Variants in RCOR3 observed in about 807,000 individuals in gnomAD.
The protein encoded by RCOR3 is REST corepressor 3.
A neutral mutation model predicts 64.1 loss-of-function variants in RCOR3; 13 were observed. That is an observed-to-expected ratio of 0.20 (90% CI 0.13 to 0.32). The LOEUF (loss-of-function observed/expected upper bound fraction) is 0.32. Among genes scored for constraint, RCOR3 ranks in the 10% least tolerant of loss-of-function variants. The probability of loss-of-function intolerance (pLI) is 1.00; values close to 1 mark genes in which losing one functional copy is unlikely to be tolerated. For missense variants in RCOR3, 489 were observed against 701.2 expected, an observed-to-expected ratio of 0.70 and a Z score of 3.42; for synonymous variants, 215 against 239.0, an observed-to-expected ratio of 0.90 and a Z score of 0.93.
At chr1:211,279,456 C>A in intron 7 of RCOR3, 140 bp downstream of exon 7, 1 of 564,194 alleles carries the variant, frequency 1.8e-6, no homozygotes, top group East Asian at 3.2e-5. Context: ...GCAATACAGT[C>A]ATACCTAGAA....
intron 9 of RCOR3, among the ~76,000 whole-genome samples, chr1:211,301,147 G>A (rs983099982): frequency 1.3e-5 from 2 of 151,904 alleles, no homozygotes; most frequent in African/African-American, 4.8e-5. Context: ...AGTAAGATAT[G>A]ACTCCATTGT....
intron 7 of RCOR3, among the ~76,000 whole-genome samples, chr1:211,282,982 C>G (rs531521999): frequency 3.3e-5 from 5 of 152,136 alleles, no homozygotes; most frequent in African/African-American, 9.6e-5. Flanking sequence ...TTCTTCAGTA[C>G]TTGCCTTTTG....
rs1305130844 is a variant in RCOR3 at position 211,278,106 on chromosome 1, T to A, written c.517-11T>A. ...ATTAAACTTGCTGATATTAACATGATTTTTTTTAAGCTTCCAGATAAGACA... is the reference window on the plus strand; with the variant it reads ...ATTAAACTTGCTGATATTAACATGAATTTTTTTAAGCTTCCAGATAAGACA... On this transcript the variant is annotated splice_polypyrimidine_tract_variant and intron_variant, in intron 5 of 11. Coordinates refer to ENST00000419091, the MANE Select transcript of RCOR3 (RefSeq NM_001136223.3). 1 of 1,575,276 alleles carries A rather than the reference T, an allele frequency of 6.3e-7. No homozygotes were observed.
Position 211,313,308 on chromosome 1 carries a change from T to TA in RCOR3, c.1318-115dup. 1.4e-6 allele frequency: 2 copies of TA among 1,455,646 alleles called. No homozygotes were observed. The highest frequency in any genetic ancestry group is 4.9e-5 in the East Asian group (2 of 40,522). The allele number at this position is 1,455,646 out of a possible 1,614,324, so 90.2% of individuals were successfully genotyped here. On this transcript the variant is annotated intron_variant, in intron 11 of 11. Transcript: ENST00000419091. This position sits in a 1 kb window ranked among gnomAD's most constrained non-coding sequence, Gnocchi z 4.7. ...TTGTGCTTCCAATAAACACTGGTGT[T>TA]ATGTTTTTGTTTTGTTTTGATTTGT... is the stretch of plus-strand genomic sequence containing the variant.
intron 7 of RCOR3, among the ~76,000 whole-genome samples, chr1:211,284,998 G>C (rs1698332920): frequency 6.6e-6 from 1 of 152,122 alleles, no homozygotes; most frequent in Admixed American, 6.5e-5. Context: ...CATAAGTCTT[G>C]ATAGTTGCTA....
chr1:211,289,446 C>G, intron 8 of RCOR3, 50 bp downstream of exon 8: 1 of 1,433,602 alleles, frequency 7.0e-7, no homozygotes, highest in Non-Finnish European at 9.6e-7. Flanking sequence ...TTTGGCTATC[C>G]GCTTTTACCT....
chr1:211,299,493 C>T (rs565655880), intron 9 of RCOR3, among the ~76,000 whole-genome samples: 5 of 152,270 alleles, frequency 3.3e-5, no homozygotes, highest in African/African-American at 7.2e-5. Context: ...CAAAGGTAGA[C>T]GACATCCTTT....
At chr1:211,275,055 TAGAG>T (rs532606712) in intron 4 of RCOR3, among the ~76,000 whole-genome samples, 250 of 151,346 alleles carry the variant, frequency 1.7e-3, no homozygotes, top group African/African-American at 5.8e-3. Flanking sequence ...ATACTATATA[TAGAG>T]AGACAAATAT....
Position 211,312,303 on chromosome 1 carries a change from G to A in RCOR3, c.1076-417G>A. Reference sequence around the variant, plus strand: ...CTCAGTCCATTGAGGGGATAAGAGAGATGGCTCATTCCCATCCAGTTTTGT... The same window carrying A: ...CTCAGTCCATTGAGGGGATAAGAGAAATGGCTCATTCCCATCCAGTTTTGT... On this transcript the variant is annotated intron_variant, in intron 10 of 11. Transcript: ENST00000419091. The surrounding 1 kb of genome is among the most constrained non-coding windows in gnomAD (Gnocchi z 5.0). The A allele has an allele frequency of 2.2e-6, 1 of 456,854 alleles. No individual in the cohort carries two copies. The highest frequency in any genetic ancestry group is 1.5e-5 in the South Asian group (1 of 64,546). 28.3% of individuals were successfully genotyped at this position (456,854 alleles called of 1,614,324 possible). A position where few individuals can be genotyped will look rare whatever the true frequency, so the allele number is the denominator to read the frequency against.
At position 211,259,837 on chromosome 1, in the gene RCOR3, CGCTGCGGTA is replaced by C. The variant is rs1571731772; in HGVS notation, c.166+114_166+122del. 6 of 998,274 alleles carry C rather than the reference CGCTGCGGTA, an allele frequency of 6.0e-6. No homozygotes were observed. The East Asian group carries it at 2.0e-4, about 34-fold the overall frequency. 61.8% of individuals were successfully genotyped at this position (998,274 alleles called of 1,614,324 possible). On this transcript the variant is annotated intron_variant, in intron 1 of 11. Transcript: ENST00000419091. ...GCCCTCCCTCCCCTCAGAGCCTGGG[CGCTGCGGTA>C]GCCTCGAACTCCCGGTGCAGTGCAG...
chr1:211,278,844 T>G, intron 6 of RCOR3, among the ~76,000 whole-genome samples: 1 of 152,076 alleles, frequency 6.6e-6, no homozygotes, highest in South Asian at 2.1e-4. Flanking sequence ...TTTAGTAAAA[T>G]TATTTAGATA....
chr1:211,289,511 C>A, intron 8 of RCOR3, 115 bp downstream of exon 8: 2 of 789,872 alleles, frequency 2.5e-6, no homozygotes, highest in South Asian at 1.9e-5. Context: ...TCCACTTATG[C>A]AGGTTTCATT....
intron 9 of RCOR3, among the ~76,000 whole-genome samples, chr1:211,297,706 G>A (rs1699981361): frequency 6.6e-6 from 1 of 152,124 alleles, no homozygotes; most frequent in African/African-American, 2.4e-5. Context: ...TATGAAAAAT[G>A]TATATATGTT....
Position 211,313,153 on chromosome 1 carries a change from G to A in RCOR3, c.1317+192G>A, listed in dbSNP as rs2102685475. On this transcript the variant is annotated intron_variant, in intron 11 of 11. Coordinates refer to ENST00000419091, the MANE Select transcript of RCOR3 (RefSeq NM_001136223.3). The surrounding 1 kb of genome is among the most constrained non-coding windows in gnomAD (Gnocchi z 4.7). ...TGCTAAGTTCTGATTCTAGAAGAATGGAGAGTGTATTGTTCTTTCATAGTC... is the reference window on the plus strand; with the variant it reads ...TGCTAAGTTCTGATTCTAGAAGAATAGAGAGTGTATTGTTCTTTCATAGTC... 2 of 1,463,308 alleles carry A rather than the reference G, an allele frequency of 1.4e-6. No homozygotes were observed. The highest frequency in any genetic ancestry group is 1.5e-5 in the South Asian group (1 of 68,684). The allele number at this position is 1,463,308 out of a possible 1,614,324, so 90.6% of individuals were successfully genotyped here.
rs761180837 is a variant in RCOR3, at chr1:211,259,560, C to T, written c.-1C>T. On this transcript the variant is annotated 5_prime_UTR_variant, in exon 1 of 12. Coordinates refer to ENST00000419091, the MANE Select transcript of RCOR3 (RefSeq NM_001136223.3). The stretch of plus-strand genomic sequence containing the variant: ...CACCTTTCCCCCTCCCCTGTTCTAC[C>T]ATGCCCGGCATGATGGAGAAAGGGC... The T allele has an allele frequency of 9.0e-5, 139 of 1,547,936 alleles. No homozygotes were observed. Among genetic ancestry groups the T allele is most frequent in the South Asian group, 3.8e-4 (32 of 84,014 alleles).
At chr1:211,308,667 T>TTG (rs1355796525) in intron 10 of RCOR3, among the ~76,000 whole-genome samples, 9 of 25,452 alleles carry the variant, frequency 3.5e-4, no homozygotes, top group African/African-American at 7.3e-4. Flanking sequence ...ATGTGTTTTT[T>TTG]TTTTTGTTTT....
intron 9 of RCOR3, chr1:211,303,869 C>A: frequency 2.6e-6 from 1 of 389,628 alleles, no homozygotes; most frequent in East Asian, 4.1e-5. Context: ...GTTGTTCCTT[C>A]TTGCAAATTG....
rs142793564 is a variant in RCOR3 at position 211,265,441 on chromosome 1, G to A, written c.223+5277G>A. On this transcript the variant is annotated intron_variant, in intron 2 of 11. Coordinates refer to ENST00000419091, the MANE Select transcript of RCOR3 (RefSeq NM_001136223.3). Reference sequence around the variant, plus strand: ...TGCTTTGAAGTGCTTTATTGGGCCCGGCGCGGTGGCTCACGCCTGTAATCC... The same window carrying A: ...TGCTTTGAAGTGCTTTATTGGGCCCAGCGCGGTGGCTCACGCCTGTAATCC... Among the ~76,000 whole-genome samples the A allele has an allele frequency of 9.1e-3, 1,389 of 152,204 alleles. 12 individuals carry two copies. Among genetic ancestry groups the A allele is most frequent in the Non-Finnish European group, 0.012 (845 of 68,014 alleles).
intron 8 of RCOR3, among the ~76,000 whole-genome samples, chr1:211,292,042 C>T (rs372601484): frequency 3.3e-5 from 5 of 152,046 alleles, no homozygotes; most frequent in African/African-American, 9.7e-5. Flanking sequence ...GAGAGAGGAT[C>T]GCCTGAGCCT....
Sources: gnomAD v4.1 joint callset for allele counts (sites outside exome capture counted in the v4.1 genomes callset) on GRCh38, gnomAD v4.1.1 for gene constraint, Gnocchi (gnomAD v3.1) non-coding constraint, MANE v1.5 for transcripts, NCBI Gene and HGNC (gene_info 2026-07-23, HGNC 2026-07-21) for gene names.